The following DISC1 variants were observed in gnomAD, a reference collection of about 807,000 sequenced individuals.
The protein encoded by DISC1 is disrupted in schizophrenia 1 protein.
In DISC1, 57 loss-of-function variants were observed where a neutral mutation model predicts 84.5. The ratio of observed to expected loss-of-function variants is 0.67; its 90% CI spans 0.55 to 0.84. The LOEUF is 0.84. DISC1 is among the 40% of genes least tolerant of loss of function. The pLI is 0.00. For missense variants in DISC1, 1,000 were observed against 1,057.8 expected, an observed-to-expected ratio of 0.95 and a Z score of 0.76; for synonymous variants, 411 against 415.2, an observed-to-expected ratio of 0.99 and a Z score of 0.12.
At chr1:231,993,735 G>A (rs75833398) in intron 10 of DISC1, among the ~76,000 whole-genome samples, 2,273 of 152,218 alleles carry the variant, frequency 0.015, 29 homozygotes, top group African/African-American at 0.032. Context: ...CAGGATGATG[G>A]CAGGTATAAG....
At chr1:231,849,474 C>G (rs2083716607) in intron 9 of DISC1, among the ~76,000 whole-genome samples, 1 of 152,072 alleles carries the variant, frequency 6.6e-6, no homozygotes, top group South Asian at 2.1e-4. Context: ...GACAACATGC[C>G]CAAGGTCCCC....
intron 1 of DISC1, among the ~76,000 whole-genome samples, chr1:231,688,704 A>T (rs2064621586): frequency 6.6e-6 from 1 of 152,208 alleles, no homozygotes; most frequent in Admixed American, 6.5e-5. Flanking sequence ...CAGTTTTTAT[A>T]TGCCTGACTG....
chr1:232,010,168 C>A (rs753311257), intron 11 of DISC1, among the ~76,000 whole-genome samples: 1 of 152,180 alleles, frequency 6.6e-6, no homozygotes, highest in Non-Finnish European at 1.5e-5. Flanking sequence ...ACAGGCTCTA[C>A]GTTAATTTAT....
rs1408526430 is a variant in DISC1 at position 231,698,333 on chromosome 1, G to T, written c.1047+3528G>T. 1.3e-5 allele frequency among the ~76,000 whole-genome samples: 2 copies of T among 152,148 alleles called. No homozygotes were observed. The highest frequency in any genetic ancestry group is 2.9e-5 in the Non-Finnish European group (2 of 68,030). The stretch of plus-strand genomic sequence containing the variant: ...GAATATTTTATGCTGTTTAGAAATC[G>T]CTGCTTAGCGAGATTTCCAGGGGTT... On this transcript the variant is annotated intron_variant, in intron 2 of 12. Coordinates refer to ENST00000439617, the MANE Select transcript of DISC1 (RefSeq NM_018662.3). The surrounding 1 kb of genome is among the most constrained non-coding windows in gnomAD (Gnocchi z 4.9).
chr1:231,859,457 G>T (rs1356822411), intron 9 of DISC1, among the ~76,000 whole-genome samples: 1 of 152,198 alleles, frequency 6.6e-6, no homozygotes, highest in African/African-American at 2.4e-5. Flanking sequence ...TCTGGAAGGG[G>T]CGAGGGAGCT....
At position 232,031,815 on chromosome 1, in the gene DISC1, T is replaced by G. The variant is rs2103060298; in HGVS notation, c.2426-4877T>G. ...GAATCAATCTTGGGTATAGTCAAGG[T>G]TTTCCTCTTTGCTCTTGAAAGACTG... On this transcript the variant is annotated intron_variant, in intron 12 of 12. Coordinates refer to ENST00000439617, the MANE Select transcript of DISC1 (RefSeq NM_018662.3). The surrounding 1 kb of genome is among the most constrained non-coding windows in gnomAD (Gnocchi z 4.6). 6.6e-6 allele frequency among the ~76,000 whole-genome samples: 1 copy of G among 152,276 alleles called. No homozygotes were observed. Among genetic ancestry groups the G allele is most frequent in the Non-Finnish European group, 1.5e-5 (1 of 68,020 alleles).
At chr1:231,974,794 A>G (rs1164475084) in intron 10 of DISC1, among the ~76,000 whole-genome samples, 1 of 152,178 alleles carries the variant, frequency 6.6e-6, no homozygotes, top group Non-Finnish European at 1.5e-5. Context: ...TCAAAATCCT[A>G]TGGAGGAATT....
At chr1:232,033,892 G>A (rs917207826) in intron 12 of DISC1, among the ~76,000 whole-genome samples, 2 of 152,122 alleles carry the variant, frequency 1.3e-5, no homozygotes, top group African/African-American at 2.4e-5. Flanking sequence ...TCACTACTTT[G>A]TCCTCCTGAA....
At chr1:231,645,173 T>A (rs2060020837) in intron 1 of DISC1, among the ~76,000 whole-genome samples, 1 of 152,190 alleles carries the variant, frequency 6.6e-6, no homozygotes, top group Non-Finnish European at 1.5e-5. Flanking sequence ...TGGCCACCTT[T>A]TCTGTGATCC....
In DISC1 at chr1:232,008,864, C is replaced by T. The variant is rs766936684; in HGVS notation, c.2122C>T (p.Gln708Ter). The change falls in exon 11 of 13, where the codon CAG becomes TAG. Residue 708 changes from glutamine (Q) to a stop codon, truncating the protein, a stop_gained. Transcript: ENST00000439617. LOFTEE classifies it high-confidence loss of function. Reference sequence around the variant, plus strand: ...ATTGCTTATCCAGAGCCTACAGCTCCAGGAAGCCAGGGGAAGCCTGTCTGT... The same window carrying T: ...ATTGCTTATCCAGAGCCTACAGCTCTAGGAAGCCAGGGGAAGCCTGTCTGT... ...CRLLIQSLQL[Q>*]EARGSLSVED... 1.9e-5 allele frequency: 31 copies of T among 1,613,268 alleles called. No individual in the cohort carries two copies. In the South Asian group the frequency reaches 3.0e-4, roughly 15 times the overall value.
At position 231,923,093 on chromosome 1, in the gene DISC1, T is replaced by G. The variant is rs540525592; in HGVS notation, c.1982-35735T>G. On this transcript the variant is annotated intron_variant, in intron 9 of 12. Transcript: ENST00000439617. ...GACATTAAGACCATCCTGGCTAACA[T>G]GGTGAAACCCCGTCTCTACTAAAAA... Among the ~76,000 whole-genome samples the G allele has an allele frequency of 4.6e-5, 7 of 151,846 alleles. No individual in the cohort carries two copies. The East Asian group carries it at 1.4e-3, about 30-fold the overall frequency.
At chr1:231,911,243 G>T (rs1299184713) in intron 9 of DISC1, among the ~76,000 whole-genome samples, 4 of 152,080 alleles carry the variant, frequency 2.6e-5, no homozygotes, top group African/African-American at 9.7e-5. Flanking sequence ...TATTTTGCTC[G>T]TTGGTTGATG....
chr1:231,711,784 A>G (rs537999931), intron 3 of DISC1, among the ~76,000 whole-genome samples: 1 of 152,252 alleles, frequency 6.6e-6, no homozygotes, highest in South Asian at 2.1e-4. Flanking sequence ...CATGTTCTTC[A>G]CTTTTTTCTC....
At chr1:231,701,578 A>G (rs972693573) in intron 2 of DISC1, among the ~76,000 whole-genome samples, 11 of 152,306 alleles carry the variant, frequency 7.2e-5, no homozygotes, top group Admixed American at 2.6e-4. Flanking sequence ...TTCTCTGCCA[A>G]TTTTGGTGTG....
chr1:231,762,125 TTTC>T (rs1230731124), intron 4 of DISC1, among the ~76,000 whole-genome samples: 2 of 151,658 alleles, frequency 1.3e-5, no homozygotes, highest in African/African-American at 2.4e-5. Flanking sequence ...TCTTTTCTTT[TTTC>T]TTTTCTTTCT....
intron 10 of DISC1, among the ~76,000 whole-genome samples, chr1:231,990,126 G>A (rs12564399): frequency 0.05 from 7,565 of 151,940 alleles, 287 homozygotes; most frequent in East Asian, 0.2. Context: ...GTAATACTTA[G>A]GGCCACTGAG....
At chr1:231,856,196 G>A (rs116503586) in intron 9 of DISC1, among the ~76,000 whole-genome samples, 3 of 152,122 alleles carry the variant, frequency 2.0e-5, no homozygotes, top group Non-Finnish European at 4.4e-5. Context: ...AGATTTATGT[G>A]TCACAGTATA....
intron 9 of DISC1, among the ~76,000 whole-genome samples, chr1:231,904,826 G>A (rs1057111304): frequency 6.6e-6 from 1 of 152,142 alleles, no homozygotes; most frequent in African/African-American, 2.4e-5. Context: ...ATCAAAAAAT[G>A]GGGGACATGC....
intron 9 of DISC1, among the ~76,000 whole-genome samples, chr1:231,886,770 T>TTCCTTCCTTC (rs1558691912): frequency 2.6e-5 from 1 of 38,250 alleles, no homozygotes; most frequent in Admixed American, 2.4e-4. Context: ...TTCCTTCCTT[T>TTCCTTCCTTC]CTTTCTTTCT....
Sources: allele counts gnomAD v4.1 joint callset (sites outside exome capture counted in the v4.1 genomes callset), GRCh38; gene constraint gnomAD v4.1.1; non-coding constraint Gnocchi (gnomAD v3.1); transcripts MANE v1.5; gene names NCBI Gene and HGNC (gene_info 2026-07-23, HGNC 2026-07-21).